Variants in MFSD12 observed in about 807,000 individuals in gnomAD.
The protein encoded by MFSD12 is major facilitator superfamily domain containing 12.
A neutral mutation model predicts 51.2 loss-of-function variants in MFSD12; 67 were observed. The observed-to-expected ratio is 1.31, with a 90% CI of 1.08 to 1.60. MFSD12 has a LOEUF of 1.60. Ranked by LOEUF, MFSD12 falls within the 40% of genes most tolerant of loss-of-function variation. The pLI, the probability that MFSD12 is intolerant of heterozygous loss-of-function variation, is 0.00. For synonymous variants in MFSD12, 441 were observed against 316.7 expected (o/e 1.39, Z -4.17); for missense variants, 921 against 673.0 (o/e 1.37, Z -4.08).
chr19:3,547,713 A>C, intron 4 of MFSD12, 135 bp downstream of exon 4: 1 of 1,198,524 alleles, frequency 8.3e-7, no homozygotes, highest in Non-Finnish European at 1.1e-6. Context: ...GCACTTGATG[A>C]GTGACGTTTG....
At chr19:3,554,730 T>C (rs995714800) in intron 1 of MFSD12, among the ~76,000 whole-genome samples, 8 of 152,220 alleles carry the variant, frequency 5.3e-5, no homozygotes, top group African/African-American at 1.4e-4. Flanking sequence ...TGTGTCTGAT[T>C]CTGAGGGTCG....
At chr19:3,544,783 G>T in intron 9 of MFSD12, 26 bp downstream of exon 9, 1 of 1,609,214 alleles carries the variant, frequency 6.2e-7, no homozygotes. Context: ...CAGTGTCTGG[G>T]GAGGGAGGGG....
At chr19:3,541,643 A>T (rs556636325), downstream of MFSD12, 292 of 984,236 alleles carry the variant, frequency 3.0e-4, 3 homozygotes, top group Admixed American at 0.014. Flanking sequence ...TCTATTTTTT[A>T]AAAAAATGGA....
At chr19:3,552,223 A>G (rs2145213847) in intron 1 of MFSD12, among the ~76,000 whole-genome samples, 1 of 150,556 alleles carries the variant, frequency 6.6e-6, no homozygotes, top group East Asian at 2.0e-4. Flanking sequence ...GCTGGAGTGC[A>G]GTGGCGAGAT....
intron 2 of MFSD12, among the ~76,000 whole-genome samples, chr19:3,550,439 T>G (rs1229930104): frequency 1.3e-5 from 2 of 151,672 alleles, no homozygotes; most frequent in Admixed American, 6.6e-5. Flanking sequence ...TCGCCCAGGC[T>G]GGAGTGCAGT....
Position 3,548,263 on chromosome 19 carries a change from C to A in MFSD12, c.514G>T (p.Ala172Ser). 2 of 1,548,788 alleles carry A rather than the reference C, an allele frequency of 1.3e-6. No individual in the cohort carries two copies. Residue 172 changes from alanine to serine, a missense_variant, in exon 3 of 10, where the codon GCG (alanine) becomes TCG (serine). By Grantham distance (99) the Ala-to-Ser change is moderately conservative. Coordinates refer to ENST00000355415, the MANE Select transcript of MFSD12 (RefSeq NM_174983.5). ...GTGATGTTGGCCACCACGGTGAACG[C>A]ATACCTGGCGGGCAGGCGGGCAGGG... ...EKVELTALRYAFTVVANITVY... is the reference protein window; with the variant it reads ...EKVELTALRYSFTVVANITVY...
chr19:3,556,203 C>T (rs918931208), intron 1 of MFSD12, among the ~76,000 whole-genome samples: 14 of 152,204 alleles, frequency 9.2e-5, no homozygotes, highest in African/African-American at 3.4e-4. Context: ...AGAGAGGAGG[C>T]TCTAGGGGGC....
chr19:3,538,915 C>G, intron 4 of MFSD12: 1 of 660,956 alleles, frequency 1.5e-6, no homozygotes, highest in East Asian at 2.9e-5. Context: ...AGAAGCCAGA[C>G]CCCAGGTGGG....
At position 3,547,840 on chromosome 19, in the gene MFSD12, G is replaced by A; in HGVS notation, c.837+8C>T. On this transcript the variant is annotated splice_region_variant and intron_variant, in intron 4 of 9. Coordinates refer to ENST00000355415, the MANE Select transcript of MFSD12 (RefSeq NM_174983.5). Reference sequence around the variant, plus strand: ...GCCCACGCCAGCCCCACCGTCCCCAGCACGCACCTGGTAGAAAGCCGGCTC... The same window carrying A: ...GCCCACGCCAGCCCCACCGTCCCCAACACGCACCTGGTAGAAAGCCGGCTC... 1.3e-6 allele frequency: 2 copies of A among 1,490,578 alleles called. No individual in the cohort carries two copies. Among genetic ancestry groups the A allele is most frequent in the Non-Finnish European group, 1.8e-6 (2 of 1,123,710 alleles). 92.3% of individuals were successfully genotyped at this position (1,490,578 alleles called of 1,614,324 possible).
chr19:3,544,093 G>A (rs1188548108), downstream of MFSD12: 5 of 1,438,944 alleles, frequency 3.5e-6, no homozygotes, highest in Middle Eastern at 1.8e-4. Flanking sequence ...AGAGGCTCGG[G>A]ACAGAGGCAG....
At position 3,551,633 on chromosome 19, in the gene MFSD12, C is replaced by T. The variant is rs2031482396; in HGVS notation, c.299-439G>A. On this transcript the variant is annotated intron_variant, in intron 1 of 9. Transcript: ENST00000355415. The surrounding 1 kb of genome is among the most constrained non-coding windows in gnomAD (Gnocchi z 4.6). ...CCTAAGGTGACCACTCCCTGGAATGCTGGGGCGTCCTGGCCTCCAGGGACA... is the reference window on the plus strand; with the variant it reads ...CCTAAGGTGACCACTCCCTGGAATGTTGGGGCGTCCTGGCCTCCAGGGACA... 6.6e-6 allele frequency among the ~76,000 whole-genome samples: 1 copy of T among 152,164 alleles called. No individual in the cohort carries two copies. The highest frequency in any genetic ancestry group is 1.9e-4 in the East Asian group (1 of 5,194).
At chr19:3,544,050 G>A, downstream of MFSD12, 1 of 1,494,398 alleles carries the variant, frequency 6.7e-7, no homozygotes. Context: ...TCTGCACCCA[G>A]ATGAGGGGGC....
downstream of MFSD12, among the ~76,000 whole-genome samples, chr19:3,540,526 G>C (rs1016580953): frequency 3.3e-5 from 5 of 151,434 alleles, no homozygotes; most frequent in Non-Finnish European, 7.4e-5. Flanking sequence ...AAAGTGCTGG[G>C]ATTACAGGCG....
At chr19:3,552,922 C>T (rs1351134816) in intron 1 of MFSD12, among the ~76,000 whole-genome samples, 12 of 152,148 alleles carry the variant, frequency 7.9e-5, no homozygotes, top group Admixed American at 3.3e-4. Flanking sequence ...TCCCTGCAGC[C>T]CTGCACTCCT....
intron 6 of MFSD12, 95 bp downstream of exon 6, chr19:3,547,177 G>C: frequency 8.9e-7 from 1 of 1,124,910 alleles, no homozygotes; most frequent in Non-Finnish European, 1.3e-6. Flanking sequence ...TCGGAGGCCT[G>C]AGAGCATCCG....
intron 1 of MFSD12, among the ~76,000 whole-genome samples, chr19:3,555,087 T>C (rs969243025): frequency 1.6e-4 from 25 of 152,200 alleles, no homozygotes; most frequent in Non-Finnish European, 3.4e-4. Context: ...GGTTGCTGTT[T>C]CTGTTTGTTT....
chr19:3,543,160 C>T (rs2030573001), downstream of MFSD12: 1 of 1,517,192 alleles, frequency 6.6e-7, no homozygotes, highest in Non-Finnish European at 8.8e-7. Context: ...ATCATCCACC[C>T]TGGCAGACAT....
intron 2 of MFSD12, among the ~76,000 whole-genome samples, chr19:3,548,811 G>A (rs1266464980): frequency 1.3e-5 from 2 of 152,374 alleles, no homozygotes; most frequent in East Asian, 1.9e-4. Flanking sequence ...CGTAGGAAGT[G>A]CCTGGGGTCT....
chr19:3,544,119 G>A (rs2030723837), downstream of MFSD12: 2 of 1,419,160 alleles, frequency 1.4e-6, no homozygotes, highest in East Asian at 2.6e-5. Context: ...GGGCTCGCTG[G>A]CCGCCCACAA....
Sources: gnomAD v4.1 joint callset for allele counts (sites outside exome capture counted in the v4.1 genomes callset) on GRCh38, gnomAD v4.1.1 for gene constraint, Gnocchi (gnomAD v3.1) non-coding constraint, MANE v1.5 for transcripts, NCBI Gene and HGNC (gene_info 2026-07-23, HGNC 2026-07-21) for gene names.